SLC30A7: variants seen among roughly 807,000 people sequenced by gnomAD.
The protein encoded by SLC30A7 is zinc transporter 7.
SLC30A7 carries 35 observed loss-of-function variants against 46.0 expected under a neutral mutation model. The observed-to-expected ratio is 0.76, with a 90% CI of 0.58 to 1.01. SLC30A7 has a LOEUF of 1.01. Among genes scored for constraint, SLC30A7 ranks in the 50% least tolerant of loss-of-function variants. SLC30A7 has a pLI of 0.00. For missense variants in SLC30A7, 464 were observed against 451.1 expected, an observed-to-expected ratio of 1.03 and a Z score of -0.26; for synonymous variants, 147 against 157.8, an observed-to-expected ratio of 0.93 and a Z score of 0.51.
downstream of SLC30A7, among the ~76,000 whole-genome samples, chr1:100,983,196 T>C (rs1358930792): frequency 6.6e-6 from 1 of 151,936 alleles, no homozygotes; most frequent in Non-Finnish European, 1.5e-5. Flanking sequence ...CACCAAACTT[T>C]TCATTAGTCT....
chr1:100,905,183 G>T (rs1229066833), intron 2 of SLC30A7, among the ~76,000 whole-genome samples: 2 of 151,776 alleles, frequency 1.3e-5, no homozygotes, highest in South Asian at 2.1e-4. Flanking sequence ...TCATACCTTA[G>T]GTTGTTGACA....
In SLC30A7 at chr1:100,913,731, C is replaced by T. The variant is rs138552312; in HGVS notation, c.580C>T (p.His194Tyr). ...DQAHGHVDHCHSHEVKHGAAH... is the reference protein window; with the variant it reads ...DQAHGHVDHCYSHEVKHGAAH... ...GGCACATGGCCATGTCGATCATTGC[C>T]ATAGCCATGAAGTGAAACATGGTGC... The change falls in exon 6 of 11, where the codon CAT becomes TAT. Residue 194 changes from histidine (H) to tyrosine (Y), a missense_variant. Transcript: ENST00000357650. 1 of 1,613,906 alleles carries T rather than the reference C, an allele frequency of 6.2e-7. No homozygotes were observed. The highest frequency in any genetic ancestry group is 1.1e-5 in the South Asian group (1 of 91,070).
intron 8 of SLC30A7, among the ~76,000 whole-genome samples, chr1:100,929,562 A>G (rs907737086): frequency 6.6e-6 from 1 of 152,160 alleles, no homozygotes; most frequent in Admixed American, 6.5e-5. Context: ...CAGTTCATCA[A>G]TAGCAAGAGA....
At chr1:100,991,029 G>T in the SLC30A7 span, among the ~76,000 whole-genome samples, 1 of 152,324 alleles carries the variant, frequency 6.6e-6, no homozygotes, top group Non-Finnish European at 1.5e-5. Context: ...GAAACCATGA[G>T]ATTATGAAAT....
At chr1:100,923,908 A>G (rs1277700050) in intron 8 of SLC30A7, among the ~76,000 whole-genome samples, 1 of 152,166 alleles carries the variant, frequency 6.6e-6, no homozygotes, top group Admixed American at 6.5e-5. Flanking sequence ...GACTTTTGGT[A>G]ATTTATTCAC....
chr1:100,928,252 T>C (rs1653435900), intron 8 of SLC30A7, among the ~76,000 whole-genome samples: 1 of 151,854 alleles, frequency 6.6e-6, no homozygotes. Flanking sequence ...CTGTGATAAA[T>C]AGTGGTAGTG....
At chr1:100,968,607 G>A (rs879399144) in intron 10 of SLC30A7, among the ~76,000 whole-genome samples, 7 of 152,044 alleles carry the variant, frequency 4.6e-5, no homozygotes, top group Admixed American at 3.9e-4. Flanking sequence ...TCATTGCCAC[G>A]TACTTTATAC....
intron 9 of SLC30A7, among the ~76,000 whole-genome samples, chr1:100,964,397 A>ATGTG (rs1203316552): frequency 9.5e-5 from 13 of 137,086 alleles, no homozygotes; most frequent in African/African-American, 3.8e-4. Flanking sequence ...TAACCTATAT[A>ATGTG]TGTGTATGTA....
chr1:100,929,306 C>T (rs954485170), intron 8 of SLC30A7, among the ~76,000 whole-genome samples: 1 of 151,910 alleles, frequency 6.6e-6, no homozygotes, highest in African/African-American at 2.4e-5. Flanking sequence ...TAAAAAGTAG[C>T]TCCAAAGTAC....
chr1:100,942,887 C>G (rs1654436443), intron 8 of SLC30A7, among the ~76,000 whole-genome samples: 1 of 152,116 alleles, frequency 6.6e-6, no homozygotes. Context: ...CCTAGGTGCC[C>G]TTTAATCATT....
At chr1:100,957,282 T>C (rs2101078956) in intron 8 of SLC30A7, among the ~76,000 whole-genome samples, 1 of 152,344 alleles carries the variant, frequency 6.6e-6, no homozygotes, top group African/African-American at 2.4e-5. Context: ...TCGCTTAATA[T>C]TGATTGCTTA....
At chr1:100,971,730 T>C (rs1247448129) in intron 10 of SLC30A7, among the ~76,000 whole-genome samples, 1 of 152,132 alleles carries the variant, frequency 6.6e-6, no homozygotes, top group East Asian at 1.9e-4. Context: ...AGTTACTCAT[T>C]ATTTTGCTAA....
chr1:100,962,069 A>T, intron 9 of SLC30A7, 151 bp downstream of exon 9: 1 of 480,332 alleles, frequency 2.1e-6, no homozygotes, highest in East Asian at 3.3e-5. Context: ...TACAAACCAG[A>T]ATAAAATTGT....
intron 6 of SLC30A7, among the ~76,000 whole-genome samples, chr1:100,914,799 G>A (rs1177761013): frequency 1.3e-5 from 2 of 151,978 alleles, no homozygotes; most frequent in Non-Finnish European, 2.9e-5. Context: ...AGCCTTCTAA[G>A]CCCTTCATTT....
chr1:100,972,263 T>TCAG, intron 10 of SLC30A7: 1 of 345,474 alleles, frequency 2.9e-6, no homozygotes, highest in Admixed American at 3.6e-5. Flanking sequence ...TCCACTTTTC[T>TCAG]CTTTACTTTA....
At chr1:100,993,898 G>A in the SLC30A7 span, among the ~76,000 whole-genome samples, 2 of 151,602 alleles carry the variant, frequency 1.3e-5, no homozygotes, top group Non-Finnish European at 2.9e-5. Context: ...CTGCCACCAT[G>A]CCTGGCTAAT....
chr1:100,987,318 C>T, the SLC30A7 span, among the ~76,000 whole-genome samples: 8 of 152,274 alleles, frequency 5.3e-5, no homozygotes, highest in Admixed American at 2.0e-4. Flanking sequence ...ATATTTTCTT[C>T]TGCCCTATTT....
At chr1:100,939,509 G>A (rs916238056) in intron 8 of SLC30A7, among the ~76,000 whole-genome samples, 2 of 151,884 alleles carry the variant, frequency 1.3e-5, no homozygotes, top group African/African-American at 4.8e-5. Context: ...AAGTCGACTC[G>A]AACAGAGCCT....
chr1:100,931,845 A>G lies in SLC30A7; in HGVS notation c.842+10004A>G, dbSNP rs143116426. Among the ~76,000 whole-genome samples, 1,026 of 152,308 alleles carry G rather than the reference A, an allele frequency of 6.7e-3. 18 individuals carry two copies. The highest frequency in any genetic ancestry group is 0.022 in the African/African-American group (895 of 41,576). On this transcript the variant is annotated intron_variant, in intron 8 of 10. Coordinates refer to ENST00000357650, the MANE Select transcript of SLC30A7 (RefSeq NM_133496.5). ...ATTTGGTTTCTTTTAAACATCAAAC[A>G]TACTGTATTATTTTTTCCTTTACCC...
Sources: gnomAD v4.1 joint callset for allele counts (sites outside exome capture counted in the v4.1 genomes callset) on GRCh38, gnomAD v4.1.1 for gene constraint, MANE v1.5 for transcripts, NCBI Gene and HGNC (gene_info 2026-07-23, HGNC 2026-07-21) for gene names.